Variants in PTH1R observed in about 807,000 individuals in gnomAD.
PTH1R encodes parathyroid hormone 1 receptor, also known as parathyroid hormone/parathyroid hormone-related peptide receptor.
PTH1R carries 32 observed loss-of-function variants against 70.7 expected under a neutral mutation model. That is an observed-to-expected ratio of 0.45 (90% confidence interval 0.34 to 0.61). The LOEUF (loss-of-function observed/expected upper bound fraction) is 0.61, where lower values mean the gene tolerates loss of function less well. Among genes scored for constraint, PTH1R ranks in the 20% least tolerant of loss-of-function variants. PTH1R has a pLI of 0.01. For synonymous variants in PTH1R, 329 were observed against 324.8 expected (o/e 1.01, Z -0.14); for missense variants, 626 against 792.5 (o/e 0.79, Z 2.52).
intron 1 of PTH1R, among the ~76,000 whole-genome samples, chr3:46,878,477 T>G (rs1490520034): frequency 6.6e-6 from 1 of 152,164 alleles, no homozygotes; most frequent in Non-Finnish European, 1.5e-5. Context: ...ATGATGGAGA[T>G]AGAGCTCAGT....
chr3:46,899,176 A>C (rs962400893), intron 9 of PTH1R, 127 bp from the exon 10 acceptor site: 20 of 1,295,788 alleles, frequency 1.5e-5, no homozygotes, highest in Non-Finnish European at 2.2e-5. Context: ...CCCCAAACGA[A>C]GCCTGCCCCT....
At chr3:46,888,847 C>G (rs1337742344) in intron 3 of PTH1R, among the ~76,000 whole-genome samples, 1 of 152,264 alleles carries the variant, frequency 6.6e-6, no homozygotes, top group Non-Finnish European at 1.5e-5. Flanking sequence ...CACTGCCTGC[C>G]CCGAAGGCGG....
Position 46,892,750 on chromosome 3 carries a change from G to GC in PTH1R, c.76-1153dup. ...GCCATGCTCGGACTGCAGGGCCCCGGCCCCGCCTTGGCGCGTCTGAAGGAT... is the reference window on the plus strand; with the variant it reads ...GCCATGCTCGGACTGCAGGGCCCCGGCCCCCGCCTTGGCGCGTCTGAAGGAT... On this transcript the variant is annotated intron_variant, in intron 3 of 15. Coordinates refer to ENST00000449590, the MANE Select transcript of PTH1R (RefSeq NM_000316.3). This position sits in a 1 kb window ranked among gnomAD's most constrained non-coding sequence, Gnocchi z 5.2. 1.0e-6 allele frequency: 1 copy of GC among 985,796 alleles called. No homozygotes were observed. Among genetic ancestry groups the GC allele is most frequent in the Non-Finnish European group, 1.2e-6 (1 of 830,168 alleles). The allele number at this position is 985,796 out of a possible 1,614,324, so 61.1% of individuals were successfully genotyped here.
At chr3:46,881,360 C>T (rs2030546650) in intron 2 of PTH1R, among the ~76,000 whole-genome samples, 1 of 152,200 alleles carries the variant, frequency 6.6e-6, no homozygotes, top group South Asian at 2.1e-4. Flanking sequence ...AGCCCCAACC[C>T]CCGCGGACTC....
intron 1 of PTH1R, among the ~76,000 whole-genome samples, chr3:46,880,852 G>A (rs1349270933): frequency 1.3e-5 from 2 of 152,230 alleles, no homozygotes; most frequent in Non-Finnish European, 2.9e-5. Flanking sequence ...AAGGGTGGCT[G>A]CAGCTGGATC....
chr3:46,900,430 T>C (rs2032045781), intron 10 of PTH1R, among the ~76,000 whole-genome samples: 1 of 152,090 alleles, frequency 6.6e-6, no homozygotes, highest in African/African-American at 2.4e-5. Context: ...AAGTTGGTGG[T>C]ATGTGGTCGG....
Position 46,895,787 on chromosome 3 carries a change from G to A in PTH1R, c.231G>A (p.Lys77=). ...GGACATCTGCGTCCACATCAGGGAA[G>A]CCCAGGAAAGATAAGGCATCTGGGA... is the stretch of plus-strand genomic sequence containing the variant. ...KGWTSASTSG[K]PRKDKASGKL... is the part of the protein sequence containing the mutation. The change falls in exon 5 of 16, where the codon AAG becomes AAA. Residue 77 remains lysine, a synonymous_variant. Coordinates refer to ENST00000449590, the MANE Select transcript of PTH1R (RefSeq NM_000316.3). 1 of 1,614,168 alleles carries A rather than the reference G, an allele frequency of 6.2e-7. No homozygotes were observed. The highest frequency in any genetic ancestry group is 1.7e-4 in the Middle Eastern group (1 of 6,060).
At position 46,893,931 on chromosome 3, in the gene PTH1R, A is replaced by G; in HGVS notation, c.100A>G (p.Lys34Glu). The change falls in exon 4 of 16, where the codon AAA (lysine) becomes GAA (glutamate). Residue 34 changes from lysine to glutamate, a missense_variant. Around this residue, in one of 3 missense-constraint regions of PTH1R, gnomAD observed 123 missense variants for 125.7 expected, o/e 0.98. Coordinates refer to ENST00000449590, the MANE Select transcript of PTH1R (RefSeq NM_000316.3). This position sits in a 1 kb window ranked among gnomAD's most constrained non-coding sequence, Gnocchi z 5.2. ...GGTGGATGCAGATGACGTCATGACT[A>G]AAGAGGAACAGATCTTCCTGCTGCA... ...ALVDADDVMTKEEQIFLLHRA... is the reference protein window; with the variant it reads ...ALVDADDVMTEEEQIFLLHRA... The G allele has an allele frequency of 6.2e-7, 1 of 1,614,118 alleles. No individual in the cohort carries two copies. Among genetic ancestry groups the G allele is most frequent in the Non-Finnish European group, 8.5e-7 (1 of 1,180,020 alleles).
intron 3 of PTH1R, among the ~76,000 whole-genome samples, chr3:46,889,269 G>A (rs568918106): frequency 5.3e-5 from 8 of 152,332 alleles, no homozygotes; most frequent in South Asian, 2.1e-4. Flanking sequence ...GGGACAAGCC[G>A]CCATCACTGG....
chr3:46,881,847 G>A (rs1159973311), intron 2 of PTH1R, among the ~76,000 whole-genome samples: 3 of 152,118 alleles, frequency 2.0e-5, no homozygotes, highest in African/African-American at 7.2e-5. Context: ...CGCGGCCGGG[G>A]GCGCGCGGGG....
rs1339714004 is a variant in PTH1R at position 46,891,705 on chromosome 3, T to A, written c.76-2202T>A. 1.3e-5 allele frequency among the ~76,000 whole-genome samples: 2 copies of A among 151,684 alleles called. No homozygotes were observed. Among genetic ancestry groups the A allele is most frequent in the East Asian group, 3.9e-4 (2 of 5,170 alleles). ...AATGTTGCCTTGGTGATGCTGGAGG[T>A]GGTGGCAGTGGTGCTGGTGCTGGTG... On this transcript the variant is annotated intron_variant, in intron 3 of 15. Coordinates refer to ENST00000449590, the MANE Select transcript of PTH1R (RefSeq NM_000316.3). The surrounding 1 kb of genome is among the most constrained non-coding windows in gnomAD (Gnocchi z 4.3).
rs771844578 is a variant in PTH1R at position 46,877,818 on chromosome 3, C to G, written c.-131C>G. On this transcript the variant is annotated 5_prime_UTR_variant, in exon 1 of 16. Coordinates refer to ENST00000449590, the MANE Select transcript of PTH1R (RefSeq NM_000316.3). ...TGAGTCTGCTCTGCAGCTTTAGGCC[C>G]GACTTGGAAGGCCCATGGGCTGCAG... 1.3e-5 allele frequency: 2 copies of G among 152,266 alleles called. No individual in the cohort carries two copies. The highest frequency in any genetic ancestry group is 1.5e-5 in the Non-Finnish European group (1 of 68,064). 9.4% of individuals were successfully genotyped at this position (152,266 alleles called of 1,614,324 possible). A position where few individuals can be genotyped will look rare whatever the true frequency, so the allele number is the denominator to read the frequency against.
Position 46,882,778 on chromosome 3 carries a change from G to A in PTH1R, c.-48-734G>A, listed in dbSNP as rs997709396. 6.6e-6 allele frequency among the ~76,000 whole-genome samples: 1 copy of A among 152,134 alleles called. No individual in the cohort carries two copies. The highest frequency in any genetic ancestry group is 2.4e-5 in the African/African-American group (1 of 41,442). ...GGACTGACAGACAGGCAGACCGACA[G>A]AGCGTCGGGGCCGCTGCGCGCCCGA... On this transcript the variant is annotated intron_variant, in intron 2 of 15. Coordinates refer to ENST00000449590, the MANE Select transcript of PTH1R (RefSeq NM_000316.3). This position sits in a 1 kb window ranked among gnomAD's most constrained non-coding sequence, Gnocchi z 4.3.
chr3:46,900,375 C>A (rs2032042861), intron 10 of PTH1R, among the ~76,000 whole-genome samples: 1 of 152,148 alleles, frequency 6.6e-6, no homozygotes, highest in Admixed American at 6.5e-5. Flanking sequence ...TACCGTAAAG[C>A]CAGGTCATAC....
In PTH1R at chr3:46,902,443, T is replaced by C; in HGVS notation, c.1212-83T>C. The C allele has an allele frequency of 6.4e-7, 1 of 1,566,372 alleles. No homozygotes were observed. Among genetic ancestry groups the C allele is most frequent in the Non-Finnish European group, 8.7e-7 (1 of 1,154,616 alleles). On this transcript the variant is annotated intron_variant, in intron 13 of 15. Transcript: ENST00000449590. This position sits in a 1 kb window ranked among gnomAD's most constrained non-coding sequence, Gnocchi z 5.4. ...TGGGCCCCTTTGAGCTTCCGGAGCC[T>C]GGGGCTCGCAGGGTGGGGGGTGGCA... is the stretch of plus-strand genomic sequence containing the variant.
At chr3:46,895,094 A>ACC (rs2031670239) in intron 4 of PTH1R, among the ~76,000 whole-genome samples, 1 of 49,200 alleles carries the variant, frequency 2.0e-5, no homozygotes, top group East Asian at 5.3e-4. Flanking sequence ...CAAACAAACA[A>ACC]AAAAAAAAAA....
At position 46,893,402 on chromosome 3, in the gene PTH1R, C is replaced by T. The variant is rs2031548237; in HGVS notation, c.76-505C>T. On this transcript the variant is annotated intron_variant, in intron 3 of 15. Coordinates refer to ENST00000449590, the MANE Select transcript of PTH1R (RefSeq NM_000316.3). The surrounding 1 kb of genome is among the most constrained non-coding windows in gnomAD (Gnocchi z 5.2). ...CACCGTTCACTGGGGACAGCATTGA[C>T]TGGGGAGCTGGGCCAAGATGGAAAC... Among the ~76,000 whole-genome samples the T allele has an allele frequency of 6.6e-6, 1 of 152,154 alleles. No homozygotes were observed. Among genetic ancestry groups the T allele is most frequent in the Non-Finnish European group, 1.5e-5 (1 of 68,016 alleles).
chr3:46,899,192 G>T (rs1251392150), intron 9 of PTH1R, 111 bp from the exon 10 acceptor site: 1 of 1,450,926 alleles, frequency 6.9e-7, no homozygotes. Flanking sequence ...CCCCTTCCTG[G>T]CCTGTTTGGC....
intron 3 of PTH1R, among the ~76,000 whole-genome samples, chr3:46,890,269 G>A (rs1407256468): frequency 6.6e-6 from 1 of 152,014 alleles, no homozygotes; most frequent in Non-Finnish European, 1.5e-5. Flanking sequence ...GCCCCTCACT[G>A]TCACCTGCTG....
Sources: gnomAD v4.1 joint callset for allele counts (sites outside exome capture counted in the v4.1 genomes callset) on GRCh38, gnomAD v4.1.1 for gene constraint, gnomAD v4.1.1 regional missense constraint, Gnocchi (gnomAD v3.1) non-coding constraint, MANE v1.5 for transcripts, NCBI Gene and HGNC (gene_info 2026-07-23, HGNC 2026-07-21) for gene names.